ARPC1A: variants seen among roughly 807,000 people sequenced by gnomAD.
The protein encoded by ARPC1A is actin-related protein 2/3 complex subunit 1A.
Under a neutral mutation model 46.9 loss-of-function variants are expected in ARPC1A, and 8 were observed. That is an observed-to-expected ratio of 0.17 (90% CI 0.10 to 0.31). The LOEUF is 0.31. Ranked by LOEUF, ARPC1A falls within the 10% of genes least tolerant of loss-of-function variation. The pLI, the probability that ARPC1A is intolerant of heterozygous loss-of-function variation, is 1.00. For missense variants in ARPC1A, 286 were observed against 483.6 expected, an observed-to-expected ratio of 0.59 and a Z score of 3.83; for synonymous variants, 152 against 169.0, an observed-to-expected ratio of 0.90 and a Z score of 0.78.
Position 99,345,026 on chromosome 7 carries a change from C to T in ARPC1A, c.392+511C>T, listed in dbSNP as rs529619448. ...TCATGGCTCACTGCAACGTCCGCCC[C>T]CTGGTTCAAGCAATTCTCCTGCCTC... On this transcript the variant is annotated intron_variant, in intron 4 of 9. Coordinates refer to ENST00000262942, the MANE Select transcript of ARPC1A (RefSeq NM_006409.4). Among the ~76,000 whole-genome samples, 12 of 149,292 alleles carry T rather than the reference C, an allele frequency of 8.0e-5. No homozygotes were observed. The South Asian group carries it at 2.5e-3, about 32-fold the overall frequency.
chr7:99,357,574 C>T (rs1793661771), intron 6 of ARPC1A, among the ~76,000 whole-genome samples: 1 of 151,994 alleles, frequency 6.6e-6, no homozygotes, highest in East Asian at 1.9e-4. Context: ...AGCAATCCTT[C>T]CACCTCAGCC....
chr7:99,329,609 G>T (rs375380686), intron 1 of ARPC1A, among the ~76,000 whole-genome samples: 7 of 152,326 alleles, frequency 4.6e-5, no homozygotes, highest in African/African-American at 1.7e-4. Context: ...ATAGCCACCT[G>T]ATTATAAAAG....
intron 9 of ARPC1A, among the ~76,000 whole-genome samples, chr7:99,364,779 A>G (rs1014997785): frequency 1.3e-5 from 2 of 152,150 alleles, no homozygotes; most frequent in Non-Finnish European, 2.9e-5. Context: ...CATTTAGTAC[A>G]TATCTCCTGG....
chr7:99,335,660 T>A (rs1793236145), intron 2 of ARPC1A, among the ~76,000 whole-genome samples: 1 of 152,124 alleles, frequency 6.6e-6, no homozygotes, highest in African/African-American at 2.4e-5. Flanking sequence ...ACCATCTTTT[T>A]AAAGCATTTC....
intron 5 of ARPC1A, among the ~76,000 whole-genome samples, chr7:99,353,113 T>TTTAGTTTATGTTATGTTATG (rs1554345302): frequency 1.5e-5 from 2 of 136,614 alleles, no homozygotes; most frequent in Non-Finnish European, 3.1e-5. Context: ...TTTAGTTTAG[T>TTTAGTTTATGTTATGTTATG]TTATGTTATG....
intron 4 of ARPC1A, among the ~76,000 whole-genome samples, chr7:99,345,406 C>A (rs1793429242): frequency 6.6e-6 from 1 of 152,058 alleles, no homozygotes; most frequent in East Asian, 1.9e-4. Flanking sequence ...TATTTTATGG[C>A]CAAAACTTAT....
chr7:99,344,742 C>T (rs1793413501), intron 4 of ARPC1A, among the ~76,000 whole-genome samples: 1 of 151,910 alleles, frequency 6.6e-6, no homozygotes, highest in Non-Finnish European at 1.5e-5. Context: ...GATCGCCTAA[C>T]TTGTTTCTTC....
intron 2 of ARPC1A, among the ~76,000 whole-genome samples, chr7:99,337,181 G>C (rs189050174): frequency 6.6e-6 from 1 of 152,230 alleles, no homozygotes; most frequent in East Asian, 1.9e-4. Context: ...CAGCACCTTG[G>C]GAGGCCAAGG....
chr7:99,336,328 T>A (rs1474138786), intron 2 of ARPC1A, among the ~76,000 whole-genome samples: 2 of 152,126 alleles, frequency 1.3e-5, no homozygotes, highest in African/African-American at 4.8e-5. Context: ...CAGAAAGCAC[T>A]CTTAAGTCCT....
intron 1 of ARPC1A, among the ~76,000 whole-genome samples, chr7:99,328,124 A>G (rs1304688409): frequency 6.6e-6 from 1 of 152,178 alleles, no homozygotes; most frequent in African/African-American, 2.4e-5. Context: ...TAATCCCAAC[A>G]CTTTGAGAGG....
intron 6 of ARPC1A, among the ~76,000 whole-genome samples, chr7:99,355,949 G>A (rs1035241849): frequency 6.6e-6 from 1 of 152,298 alleles, no homozygotes; most frequent in East Asian, 1.9e-4. Flanking sequence ...CTCGAATTAC[G>A]GTGGCTTCTT....
In ARPC1A at chr7:99,358,605, A is replaced by T. The variant is rs1584386552; in HGVS notation, c.789+190A>T. 3 of 525,604 alleles carry T rather than the reference A, an allele frequency of 5.7e-6. No homozygotes were observed. In the South Asian group the frequency reaches 6.7e-5, roughly 12 times the overall value. The allele number at this position is 525,604 out of a possible 1,614,324, so 32.6% of individuals were successfully genotyped here. ...TGCCCAGGCTGGAGTGCAATGGGTG[A>T]TCTTGACTCACCGCAACCTCTGCCT... On this transcript the variant is annotated intron_variant, in intron 7 of 9. Coordinates refer to ENST00000262942, the MANE Select transcript of ARPC1A (RefSeq NM_006409.4).
At chr7:99,344,600 T>G in intron 4 of ARPC1A, 85 bp downstream of exon 4, 1 of 1,378,392 alleles carries the variant, frequency 7.3e-7, no homozygotes, top group Admixed American at 2.0e-5. Context: ...AACTCCAGTT[T>G]TTCTCATCCG....
At chr7:99,350,789 G>C (rs1333666649) in intron 5 of ARPC1A, among the ~76,000 whole-genome samples, 1 of 151,586 alleles carries the variant, frequency 6.6e-6, no homozygotes, top group Non-Finnish European at 1.5e-5. Flanking sequence ...GGGACCACAG[G>C]CATGAGCCAC....
chr7:99,342,769 C>A (rs886129947), intron 3 of ARPC1A, among the ~76,000 whole-genome samples: 1 of 133,660 alleles, frequency 7.5e-6, no homozygotes, highest in East Asian at 2.1e-4. Context: ...GTCACCCAGG[C>A]TGGAGTGCAG....
chr7:99,330,405 C>G (rs1016810775), intron 1 of ARPC1A, among the ~76,000 whole-genome samples: 1 of 152,140 alleles, frequency 6.6e-6, no homozygotes, highest in Non-Finnish European at 1.5e-5. Flanking sequence ...ACCTCCGCCT[C>G]CCATGTTCAA....
intron 8 of ARPC1A, among the ~76,000 whole-genome samples, chr7:99,362,498 A>ATTTT (rs565535347): frequency 1.5e-5 from 2 of 132,180 alleles, no homozygotes; most frequent in African/African-American, 2.9e-5. Flanking sequence ...TGCCTGGCTA[A>ATTTT]TTTTTTTTTT....
rs560967625 is a variant in ARPC1A at position 99,358,481 on chromosome 7, G to A, written c.789+66G>A. 2.9e-5 allele frequency: 41 copies of A among 1,404,970 alleles called. 1 individual carries two copies. The South Asian group carries it at 3.8e-4, about 13-fold the overall frequency. The allele number at this position is 1,404,970 out of a possible 1,614,324, so 87.0% of individuals were successfully genotyped here. A position where few individuals can be genotyped will look rare whatever the true frequency, so the allele number is the denominator to read the frequency against. On this transcript the variant is annotated intron_variant, in intron 7 of 9. Transcript: ENST00000262942. ...GTGATGCTCAGACAGGGAACAATGT[G>A]TGCTCTGTCACCCTAGCACAAAGCA...
chr7:99,356,956 CAGA>C (rs1793647295), intron 6 of ARPC1A, among the ~76,000 whole-genome samples: 1 of 152,086 alleles, frequency 6.6e-6, no homozygotes, highest in Non-Finnish European at 1.5e-5. Flanking sequence ...TGTAGTCTTT[CAGA>C]AGATTTCCCT....
Sources: gnomAD v4.1 joint callset for allele counts (sites outside exome capture counted in the v4.1 genomes callset) on GRCh38, gnomAD v4.1.1 for gene constraint, MANE v1.5 for transcripts, NCBI Gene and HGNC (gene_info 2026-07-23, HGNC 2026-07-21) for gene names.